Variants in SPG11 observed in about 807,000 individuals in gnomAD.
The protein encoded by SPG11 is SPG11 vesicle trafficking associated, spatacsin, also known as spatacsin.
Under a neutral mutation model 274.0 loss-of-function variants are expected in SPG11, and 222 were observed. The ratio of observed to expected loss-of-function variants is 0.81; its 90% confidence interval spans 0.73 to 0.91. The LOEUF is 0.91. Ranked by LOEUF, SPG11 falls within the 40% of genes least tolerant of loss-of-function variation. SPG11 has a pLI of 0.00. For synonymous variants in SPG11, 1,144 were observed against 1,039.7 expected (o/e 1.10, Z -1.93); for missense variants, 3,114 against 2,872.7 (o/e 1.08, Z -1.92).
At chr15:44,640,400 G>A (rs1479560646) in intron 7 of SPG11, among the ~76,000 whole-genome samples, 4 of 152,018 alleles carry the variant, frequency 2.6e-5, no homozygotes, top group African/African-American at 7.2e-5. Flanking sequence ...AAAGACTATG[G>A]ATATAAAGAT....
chr15:44,573,144 G>A (rs1487258641), intron 32 of SPG11, among the ~76,000 whole-genome samples: 6 of 151,722 alleles, frequency 4.0e-5, no homozygotes, highest in Non-Finnish European at 7.4e-5. Context: ...CCGCCAACAC[G>A]CCCGGCTACT....
intron 29 of SPG11, among the ~76,000 whole-genome samples, chr15:44,585,396 C>T (rs1270927386): frequency 2.3e-5 from 3 of 131,864 alleles, no homozygotes; most frequent in Middle Eastern, 5.0e-3. Context: ...ACCATCCTGG[C>T]TAACACAGTG....
In SPG11 at chr15:44,626,390, C is replaced by A. The variant is rs762918233; in HGVS notation, c.2185G>T (p.Val729Phe). 4 of 1,613,500 alleles carry A rather than the reference C, an allele frequency of 2.5e-6. No individual in the cohort carries two copies. The African/African-American group carries it at 4.0e-5, about 16-fold the overall frequency. ...EELIGIGLNL[V>F]FDNLKKNNIK... ...TTGTTCTTTTTTAAATTGTCAAAGA[C>A]CAAATTTAGGCCTATGCCAATAAGC... The change falls in exon 11 of 40, where the codon GTC (valine) becomes TTC (phenylalanine). Residue 729 changes from valine to phenylalanine, a missense_variant. Transcript: ENST00000261866.
intron 8 of SPG11, among the ~76,000 whole-genome samples, chr15:44,630,455 A>G (rs2084028614): frequency 6.6e-6 from 1 of 152,230 alleles, no homozygotes. Flanking sequence ...AGCCCTGCTC[A>G]ATATCAAAAA....
intron 26 of SPG11, among the ~76,000 whole-genome samples, chr15:44,593,549 T>C (rs1324051691): frequency 2.0e-5 from 3 of 152,222 alleles, no homozygotes; most frequent in Non-Finnish European, 4.4e-5. Context: ...TTACCTACTG[T>C]TGCCTGTGGC....
rs751264875 is a variant in SPG11, at chr15:44,663,652, G to A, written c.-5C>T. The A allele has an allele frequency of 1.3e-6, 2 of 1,590,628 alleles. No homozygotes were observed. The highest frequency in any genetic ancestry group is 1.7e-5 in the Admixed American group (1 of 58,626). On this transcript the variant is annotated 5_prime_UTR_variant, in exon 1 of 40. Coordinates refer to ENST00000261866, the MANE Select transcript of SPG11 (RefSeq NM_025137.4). ...GACCCCTTCCTCTGCAGCCATCTTGGCCCGGCGGTTACTTCCGGTCACTTT... is the reference window on the plus strand; with the variant it reads ...GACCCCTTCCTCTGCAGCCATCTTGACCCGGCGGTTACTTCCGGTCACTTT...
rs746138256 is a variant in SPG11, at chr15:44,648,880, T to G, written c.1588A>C (p.Ile530Leu). 6.2e-7 allele frequency: 1 copy of G among 1,614,118 alleles called. No homozygotes were observed. Among genetic ancestry groups the G allele is most frequent in the South Asian group, 1.1e-5 (1 of 91,080 alleles). ...LNGWGRCSIP[I>L]HALEAGIENR... ...AATTCTGTTACCTCTAGTGCATGTATGGGAATTGAGCACCTTCCCCAGCCA... is the reference window on the plus strand; with the variant it reads ...AATTCTGTTACCTCTAGTGCATGTAGGGGAATTGAGCACCTTCCCCAGCCA... The change falls in exon 7 of 40, where the codon ATA becomes CTA. Residue 530 changes from isoleucine to leucine, a missense_variant. By Grantham distance (5) the Ile-to-Leu change is conservative. Transcript: ENST00000261866.
chr15:44,574,841 A>G, intron 31 of SPG11, 61 bp downstream of exon 31: 1 of 1,605,492 alleles, frequency 6.2e-7, no homozygotes, highest in Non-Finnish European at 8.5e-7. Context: ...GTCCAAAATC[A>G]ACCTCAAACT....
At chr15:44,632,136 T>G (rs1216305801) in intron 8 of SPG11, among the ~76,000 whole-genome samples, 1 of 152,114 alleles carries the variant, frequency 6.6e-6, no homozygotes, top group Non-Finnish European at 1.5e-5. Context: ...ATAAGGATTA[T>G]ATCAGAGGAA....
chr15:44,633,838 T>C (rs2084157411), intron 7 of SPG11, among the ~76,000 whole-genome samples: 1 of 151,866 alleles, frequency 6.6e-6, no homozygotes, highest in South Asian at 2.1e-4. Context: ...ACCTTTCTTT[T>C]CCTTTCTTTT....
chr15:44,589,106 A>C, intron 28 of SPG11, 146 bp downstream of exon 28: 1 of 740,922 alleles, frequency 1.3e-6, no homozygotes, highest in East Asian at 2.7e-5. Context: ...CCACAATTTA[A>C]AGTTCTCTGT....
At chr15:44,586,979 C>G (rs1049911556) in intron 28 of SPG11, among the ~76,000 whole-genome samples, 3 of 152,208 alleles carry the variant, frequency 2.0e-5, no homozygotes, top group Non-Finnish European at 4.4e-5. Context: ...AATTTATCTA[C>G]TTAACCCAGG....
At chr15:44,573,351 C>T (rs2082464101) in intron 32 of SPG11, 196 bp downstream of exon 32, 3 of 654,826 alleles carry the variant, frequency 4.6e-6, no homozygotes, top group Admixed American at 2.4e-5. Flanking sequence ...TAAAAAGCAA[C>T]AGCATGTATT....
At chr15:44,636,924 T>C (rs977014120) in intron 7 of SPG11, among the ~76,000 whole-genome samples, 4 of 10,486 alleles carry the variant, frequency 3.8e-4, no homozygotes, top group African/African-American at 5.4e-4. Context: ...AGACTCCATC[T>C]CAAAAAAAAA....
chr15:44,619,976 A>T (rs2083696050), intron 15 of SPG11: 2 of 509,264 alleles, frequency 3.9e-6, no homozygotes, highest in African/African-American at 3.8e-5. Context: ...TTGGCCTCCC[A>T]AAGTGCTGAG....
At position 44,648,236 on chromosome 15, in the gene SPG11, G is replaced by A. The variant is rs529450038; in HGVS notation, c.1602+630C>T. 6.6e-4 allele frequency among the ~76,000 whole-genome samples: 100 copies of A among 152,282 alleles called. 1 individual carries two copies. Among genetic ancestry groups the A allele is most frequent in the Non-Finnish European group, 9.9e-4 (67 of 68,018 alleles). On this transcript the variant is annotated intron_variant, in intron 7 of 39. Transcript: ENST00000261866. The stretch of plus-strand genomic sequence containing the variant: ...GGATCAGAATAGTAGGAAGCAGGCT[G>A]GGTGCAGTGGCTCACTCCTGTAATC...
chr15:44,585,630 T>C lies in SPG11; in HGVS notation c.5121+6A>G, dbSNP rs747003146. On this transcript the variant is annotated splice_donor_region_variant and intron_variant, in intron 29 of 39. Transcript: ENST00000261866. ...AAAAAAAAAAAAAAAAAAAGACCGA[T>C]GATACCTCTTTAATAACCAAGTTGT... 1.3e-6 allele frequency: 2 copies of C among 1,559,410 alleles called. No homozygotes were observed. The highest frequency in any genetic ancestry group is 8.8e-7 in the Non-Finnish European group (1 of 1,139,926).
intron 21 of SPG11, among the ~76,000 whole-genome samples, chr15:44,599,987 T>C (rs536021369): frequency 6.6e-6 from 1 of 152,348 alleles, no homozygotes; most frequent in Admixed American, 6.5e-5. Flanking sequence ...ATTAGGTATT[T>C]GTCCTAACGT....
chr15:44,572,432 A>G (rs1353670783), intron 33 of SPG11: 7 of 481,078 alleles, frequency 1.5e-5, no homozygotes, highest in South Asian at 8.3e-5. Flanking sequence ...TTGCAGGGCA[A>G]TATAAGAGTG....
Sources: gnomAD v4.1 joint callset for allele counts (sites outside exome capture counted in the v4.1 genomes callset) on GRCh38, gnomAD v4.1.1 for gene constraint, MANE v1.5 for transcripts, NCBI Gene and HGNC (gene_info 2026-07-23, HGNC 2026-07-21) for gene names.